Variants in IRS2 observed in about 807,000 individuals in gnomAD.
The protein encoded by IRS2 is insulin receptor substrate 2.
IRS2 carries 28 observed loss-of-function variants against 70.9 expected under a neutral mutation model. The ratio of observed to expected loss-of-function variants is 0.39; its 90% CI spans 0.29 to 0.54. The LOEUF (loss-of-function observed/expected upper bound fraction) is 0.54, where lower values mean the gene tolerates loss of function less well. Ranked by LOEUF, IRS2 falls within the 20% of genes least tolerant of loss-of-function variation. The pLI, the probability that IRS2 is intolerant of heterozygous loss-of-function variation, is 0.59. For synonymous variants in IRS2, 1,217 were observed against 981.9 expected, an observed-to-expected ratio of 1.24 and a Z score of -4.48; for missense variants, 2,081 against 2,024.1, an observed-to-expected ratio of 1.03 and a Z score of -0.54.
chr13:109,774,804 T>TATA (rs1337434188), intron 1 of IRS2, among the ~76,000 whole-genome samples: 1 of 152,170 alleles, frequency 6.6e-6, no homozygotes, highest in African/African-American at 2.4e-5. Context: ...GGAAAATGTC[T>TATA]TACCACTATA....
chr13:109,782,509 A>G lies in IRS2; in HGVS notation c.3545T>C (p.Leu1182Pro), dbSNP rs764505662. ...CACGCCGCCCTCGCTGCTTTTCCTG[A>G]GAGAGACATTTTCCACGGAGGCCGA... Reference protein sequence around the residue: ...HNSASVENVSLRKSSEGGVGV... With the variant: ...HNSASVENVSPRKSSEGGVGV... Residue 1182 changes from leucine (L) to proline (P), a missense_variant, in exon 1 of 2, where the codon CTC (leucine) becomes CCC (proline). Around this residue, in one of 4 missense-constraint regions of IRS2, gnomAD observed 1,615 missense variants for 1,459.5 expected, o/e 1.11. Transcript: ENST00000375856. 9 of 1,554,196 alleles carry G rather than the reference A, an allele frequency of 5.8e-6. No homozygotes were observed. In the South Asian group the frequency reaches 1.1e-4, roughly 18 times the overall value.
rs753888517 is a variant in IRS2, at chr13:109,784,178, G to A, written c.1876C>T (p.His626Tyr). ...CPASSPKVAY[H>Y]PYPEDYGDIE... is the part of the protein sequence containing the mutation. ...TCTCCGTAGTCCTCTGGGTAGGGGT[G>A]GTAGGCCACCTTGGGAGAGGACGCG... Residue 626 changes from histidine (H) to tyrosine (Y), a missense_variant, in exon 1 of 2, where the codon CAC becomes TAC. By Grantham distance (83) the His-to-Tyr change is moderately conservative. This residue lies in a region of IRS2 where 1,615 missense variants were observed against 1,459.5 expected (regional missense o/e 1.11). Transcript: ENST00000375856. This position sits in a 1 kb window ranked among gnomAD's most constrained non-coding sequence, Gnocchi z 5.2. The A allele has an allele frequency of 3.8e-6, 6 of 1,579,674 alleles. No individual in the cohort carries two copies. In the African/African-American group the frequency reaches 6.7e-5, roughly 18 times the overall value.
chr13:109,772,710 A>G, intron 1 of IRS2, among the ~76,000 whole-genome samples: 1 of 132,400 alleles, frequency 7.6e-6, no homozygotes. Context: ...TTTTTTTGAG[A>G]CGGAGTCTCG....
rs1003970241 is a variant in IRS2, at chr13:109,752,845, T to C, written c.*3459A>G. 1 of 152,246 alleles carries C rather than the reference T, an allele frequency of 6.6e-6. No individual in the cohort carries two copies. The highest frequency in any genetic ancestry group is 1.5e-5 in the Non-Finnish European group (1 of 68,040). The allele number at this position is 152,246 out of a possible 1,614,324, so 9.4% of individuals were successfully genotyped here. A position where few individuals can be genotyped will look rare whatever the true frequency, so the allele number is the denominator to read the frequency against. ...AAAATTCACAGCATCAATTTTCTAT[T>C]TTCTGCTTCCTGAATTGCATTTTCC... On this transcript the variant is annotated 3_prime_UTR_variant, in exon 2 of 2. Coordinates refer to ENST00000375856, the MANE Select transcript of IRS2 (RefSeq NM_003749.3).
At position 109,786,533 on chromosome 13, in the gene IRS2, C is replaced by G. The variant is rs1199577302; in HGVS notation, c.-480G>C. The G allele has an allele frequency of 6.5e-6, 1 of 154,426 alleles. No homozygotes were observed. Among genetic ancestry groups the G allele is most frequent in the Non-Finnish European group, 1.4e-5 (1 of 70,218 alleles). The allele number at this position is 154,426 out of a possible 1,614,324, so 9.6% of individuals were successfully genotyped here. A position where few individuals can be genotyped will look rare whatever the true frequency, so the allele number is the denominator to read the frequency against. On this transcript the variant is annotated 5_prime_UTR_variant, in exon 1 of 2. Coordinates refer to ENST00000375856, the MANE Select transcript of IRS2 (RefSeq NM_003749.3). The surrounding 1 kb of genome is among the most constrained non-coding windows in gnomAD (Gnocchi z 4.4). The stretch of plus-strand genomic sequence containing the variant: ...GCTGCTGCTGGTGTTGCTGCTGCTG[C>G]TGCCAACGGCGACCCGGGCTCGTCG...
chr13:109,782,054 T>C lies in IRS2; in HGVS notation c.4000A>G (p.Thr1334Ala). ...AGGGCCTCCTCACCTTTCACGATGG[T>C]GGCCTCCTTCAAGTGGTGGGACAAG... Reference protein sequence around the residue: ...DFLSHHLKEATIVKE With the variant: ...DFLSHHLKEAAIVKE Residue 1334 changes from threonine (T) to alanine (A), a missense_variant, in exon 1 of 2, where the codon ACC becomes GCC. Thr to Ala is a moderately conservative substitution (Grantham distance 58). This residue lies in a region of IRS2 where 1,615 missense variants were observed against 1,459.5 expected (regional missense o/e 1.11). Transcript: ENST00000375856. 6.2e-7 allele frequency: 1 copy of C among 1,612,430 alleles called. No homozygotes were observed. The highest frequency in any genetic ancestry group is 8.5e-7 in the Non-Finnish European group (1 of 1,179,834).
At chr13:109,759,390 G>T (rs1478858631) in intron 1 of IRS2, among the ~76,000 whole-genome samples, 2 of 152,148 alleles carry the variant, frequency 1.3e-5, no homozygotes, top group Non-Finnish European at 2.9e-5. Context: ...GATTTAAACA[G>T]AATTAACCAG....
In IRS2 at chr13:109,784,394, G is replaced by C. The variant is rs1877844742; in HGVS notation, c.1660C>G (p.Arg554Gly). 2 of 1,610,348 alleles carry C rather than the reference G, an allele frequency of 1.2e-6. No homozygotes were observed. The highest frequency in any genetic ancestry group is 1.3e-5 in the African/African-American group (1 of 74,824). Residue 554 changes from arginine (R) to glycine (G), a missense_variant, in exon 1 of 2, where the codon CGC becomes GGC. Around this residue, in one of 4 missense-constraint regions of IRS2, gnomAD observed 1,615 missense variants for 1,459.5 expected, o/e 1.11. Transcript: ENST00000375856. This position sits in a 1 kb window ranked among gnomAD's most constrained non-coding sequence, Gnocchi z 5.2. ...TMDRPLSHCG[R>G]SYRRVSGDAA... is the part of the protein sequence containing the mutation. Reference sequence around the variant, plus strand: ...TCCCCCGAGACCCGGCGGTAGGAGCGGCCACAGTGGCTCAGGGGCCTGTCC... The same window carrying C: ...TCCCCCGAGACCCGGCGGTAGGAGCCGCCACAGTGGCTCAGGGGCCTGTCC...
In IRS2 at chr13:109,761,960, T is replaced by A. The variant is rs565097525; in HGVS notation, c.4013-5652A>T. Among the ~76,000 whole-genome samples the A allele has an allele frequency of 5.4e-4, 82 of 152,330 alleles. 1 individual carries two copies. Among genetic ancestry groups the A allele is most frequent in the African/African-American group, 1.9e-3 (80 of 41,576 alleles). Reference sequence around the variant, plus strand: ...GATTTAGTAAAAGGTATCTCCCCCTTTAACTCCTGTTTAATCCTGCACATA... The same window carrying A: ...GATTTAGTAAAAGGTATCTCCCCCTATAACTCCTGTTTAATCCTGCACATA... On this transcript the variant is annotated intron_variant, in intron 1 of 1. Coordinates refer to ENST00000375856, the MANE Select transcript of IRS2 (RefSeq NM_003749.3).
intron 1 of IRS2, among the ~76,000 whole-genome samples, chr13:109,779,345 G>A (rs1047606219): frequency 2.6e-5 from 4 of 152,330 alleles, no homozygotes; most frequent in East Asian, 1.9e-4. Context: ...GCAGGGGGCC[G>A]CCCAGGAAGT....
rs1877807289 is a variant in IRS2 at position 109,783,733 on chromosome 13, G to A, written c.2321C>T (p.Ala774Val). The change falls in exon 1 of 2, where the codon GCG becomes GTG. Residue 774 changes from alanine (A) to valine (V), a missense_variant. Physicochemically the swap from Ala to Val is moderately conservative, Grantham distance 64. Around this residue, in one of 4 missense-constraint regions of IRS2, gnomAD observed 1,615 missense variants for 1,459.5 expected, o/e 1.11. Coordinates refer to ENST00000375856, the MANE Select transcript of IRS2 (RefSeq NM_003749.3). ...GTCGGGCGGGGTGCCCGTGGTGACC[G>A]CGTCGCTGGGGGACACGTTGAGGTA... ...GDYLNVSPSD[A>V]VTTGTPPDFF... 4 of 1,581,934 alleles carry A rather than the reference G, an allele frequency of 2.5e-6. No homozygotes were observed. The highest frequency in any genetic ancestry group is 2.3e-5 in the East Asian group (1 of 42,956).
chr13:109,778,655 T>C (rs1347425191), intron 1 of IRS2, among the ~76,000 whole-genome samples: 5 of 152,248 alleles, frequency 3.3e-5, no homozygotes, highest in African/African-American at 9.6e-5. Context: ...CGTGATTTTA[T>C]TGTCCCTTTG....
intron 1 of IRS2, among the ~76,000 whole-genome samples, chr13:109,777,648 G>C (rs747962810): frequency 3.9e-5 from 6 of 152,072 alleles, no homozygotes; most frequent in Admixed American, 6.5e-5. Flanking sequence ...AACAACCTCA[G>C]GGTTCTGTTT....
intron 1 of IRS2, among the ~76,000 whole-genome samples, chr13:109,756,926 C>T (rs1391819183): frequency 6.6e-6 from 1 of 152,164 alleles, no homozygotes; most frequent in Admixed American, 6.5e-5. Flanking sequence ...CCTGCACGGC[C>T]TCATGTGTTG....
intron 1 of IRS2, among the ~76,000 whole-genome samples, chr13:109,779,557 T>C (rs1174553465): frequency 1.3e-5 from 2 of 152,216 alleles, no homozygotes; most frequent in Non-Finnish European, 2.9e-5. Flanking sequence ...ACCACAACTT[T>C]GGTGCTACGT....
chr13:109,772,673 A>G (rs1877479375), intron 1 of IRS2, among the ~76,000 whole-genome samples: 1 of 147,900 alleles, frequency 6.8e-6, no homozygotes, highest in South Asian at 2.1e-4. Flanking sequence ...TCCAGGCCAC[A>G]GATTTGCCTA....
At position 109,785,019 on chromosome 13, in the gene IRS2, G is replaced by C. The variant is rs1877873266; in HGVS notation, c.1035C>G (p.Asp345Glu). The C allele has an allele frequency of 2.0e-6, 3 of 1,473,352 alleles. No individual in the cohort carries two copies. Among genetic ancestry groups the C allele is most frequent in the East Asian group, 2.6e-5 (1 of 38,786 alleles). 91.3% of individuals were successfully genotyped at this position (1,473,352 alleles called of 1,614,324 possible). A position where few individuals can be genotyped will look rare whatever the true frequency, so the allele number is the denominator to read the frequency against. The change falls in exon 1 of 2, where the codon GAC becomes GAG. Residue 345 changes from aspartate (D) to glutamate (E), a missense_variant. By Grantham distance (45) the Asp-to-Glu change is conservative (BLOSUM62 2). Transcript: ENST00000375856. The surrounding 1 kb of genome is among the most constrained non-coding windows in gnomAD (Gnocchi z 9.3). ...CCGCCGGCGGGGTGGCGGCCAGGCTGTCGGTGCGCGAGCGGCGCACCAGGC... is the reference window on the plus strand; with the variant it reads ...CCGCCGGCGGGGTGGCGGCCAGGCTCTCGGTGCGCGAGCGGCGCACCAGGC... ...QTGLVRRSRTDSLAATPPAAK... is the reference protein window; with the variant it reads ...QTGLVRRSRTESLAATPPAAK...
Position 109,782,575 on chromosome 13 carries a change from G to C in IRS2, c.3479C>G (p.Pro1160Arg), listed in dbSNP as rs865965062. The change falls in exon 1 of 2, where the codon CCC (proline) becomes CGC (arginine). Residue 1160 changes from proline (P) to arginine (R), a missense_variant. By Grantham distance (103) the Pro-to-Arg change is moderately radical. This residue lies in a region of IRS2 where 1,615 missense variants were observed against 1,459.5 expected (regional missense o/e 1.11). Coordinates refer to ENST00000375856, the MANE Select transcript of IRS2 (RefSeq NM_003749.3). ...ETFSSTTTVT[P>R]VSPSFAHNPK... ...GTTGTGGGCGAAGGACGGGGACACGGGGGTGACCGTCGTGGTGGAGGAGAA... is the reference window on the plus strand; with the variant it reads ...GTTGTGGGCGAAGGACGGGGACACGCGGGTGACCGTCGTGGTGGAGGAGAA... The C allele has an allele frequency of 1.3e-6, 2 of 1,571,374 alleles. No homozygotes were observed. The highest frequency in any genetic ancestry group is 2.7e-5 in the African/African-American group (2 of 74,302).
At position 109,755,932 on chromosome 13, in the gene IRS2, C is replaced by G. The variant is rs1286531395; in HGVS notation, c.*372G>C. ...GGTACGGGTGCACTCTCCTAGCATG[C>G]TGAGGGTTATATCTGCTTTGCCAAA... On this transcript the variant is annotated 3_prime_UTR_variant, in exon 2 of 2. Coordinates refer to ENST00000375856, the MANE Select transcript of IRS2 (RefSeq NM_003749.3). 1 of 348,894 alleles carries G rather than the reference C, an allele frequency of 2.9e-6. No homozygotes were observed. The highest frequency in any genetic ancestry group is 5.4e-6 in the Non-Finnish European group (1 of 186,384). The allele number at this position is 348,894 out of a possible 1,614,324, so 21.6% of individuals were successfully genotyped here.
Sources: allele counts gnomAD v4.1 joint callset (sites outside exome capture counted in the v4.1 genomes callset), GRCh38; gene constraint gnomAD v4.1.1; regional missense constraint gnomAD v4.1.1; non-coding constraint Gnocchi (gnomAD v3.1); transcripts MANE v1.5; gene names NCBI Gene and HGNC (gene_info 2026-07-23, HGNC 2026-07-21).